Variants in NMUR2 observed in about 807,000 individuals in gnomAD.
NMUR2 encodes the protein neuromedin-U receptor 2.
Under a neutral mutation model 25.1 loss-of-function variants are expected in NMUR2, and 24 were observed. The ratio of observed to expected loss-of-function variants is 0.96; its 90% CI spans 0.69 to 1.34. The LOEUF is 1.34. Ranked by LOEUF, NMUR2 falls within the 40% of genes most tolerant of loss-of-function variation. The pLI, the probability that NMUR2 is intolerant of heterozygous loss-of-function variation, is 0.00. For synonymous variants in NMUR2, 218 were observed against 208.1 expected (o/e 1.05, Z -0.41); for missense variants, 533 against 512.8 (o/e 1.04, Z -0.38).
intron 2 of NMUR2, among the ~76,000 whole-genome samples, chr5:152,396,289 G>T (rs766634474): frequency 1.3e-5 from 2 of 150,818 alleles, no homozygotes; most frequent in African/African-American, 4.9e-5. Flanking sequence ...CTTGGGATTC[G>T]CCTAAAGATA....
At chr5:152,398,328 T>G (rs1753198210) in intron 1 of NMUR2, among the ~76,000 whole-genome samples, 184 bp from the exon 2 acceptor site, 1 of 152,222 alleles carries the variant, frequency 6.6e-6, no homozygotes, top group Non-Finnish European at 1.5e-5. Flanking sequence ...GGTCATCTAC[T>G]CAACTGGATA....
chr5:152,400,145 A>G (rs1753229325), intron 1 of NMUR2, among the ~76,000 whole-genome samples: 1 of 152,176 alleles, frequency 6.6e-6, no homozygotes, highest in South Asian at 2.1e-4. Context: ...ACTCAGGACC[A>G]CATAGGACCT....
chr5:152,395,193 A>C (rs1282711990), intron 3 of NMUR2, among the ~76,000 whole-genome samples: 1 of 152,042 alleles, frequency 6.6e-6, no homozygotes, highest in East Asian at 1.9e-4. Flanking sequence ...CAAAGGAATC[A>C]CTCCTTGACC....
At chr5:152,403,451 A>G (rs1753292472) in intron 1 of NMUR2, among the ~76,000 whole-genome samples, 1 of 152,096 alleles carries the variant, frequency 6.6e-6, no homozygotes, top group East Asian at 1.9e-4. Flanking sequence ...TACCCTTATT[A>G]AAAATAGTTT....
intron 2 of NMUR2, 95 bp from the exon 3 acceptor site, chr5:152,395,679 T>C: frequency 6.9e-7 from 1 of 1,440,840 alleles, no homozygotes; most frequent in Non-Finnish European, 9.4e-7. Context: ...TCTGGCAGTT[T>C]TTCCCTTCAA....
At chr5:152,397,441 T>C (rs1753172717) in intron 2 of NMUR2, among the ~76,000 whole-genome samples, 1 of 152,180 alleles carries the variant, frequency 6.6e-6, no homozygotes, top group African/African-American at 2.4e-5. Context: ...GAAACAAAGT[T>C]ATACAATGTC....
In NMUR2 at chr5:152,391,911, A is replaced by C; in HGVS notation, c.*280T>G. ...TCCATTAATGGAAATTAATCAAGGT[A>C]TAGGTGCCATGCCTTTCCAGTCACG... is the stretch of plus-strand genomic sequence containing the variant. On this transcript the variant is annotated 3_prime_UTR_variant, in exon 4 of 4. Transcript: ENST00000255262. 1 of 320,292 alleles carries C rather than the reference A, an allele frequency of 3.1e-6. No individual in the cohort carries two copies. Among genetic ancestry groups the C allele is most frequent in the Non-Finnish European group, 5.8e-6 (1 of 173,044 alleles). The allele number at this position is 320,292 out of a possible 1,614,324, so 19.8% of individuals were successfully genotyped here.
rs1485993888 is a variant in NMUR2 at position 152,402,248 on chromosome 5, A to AG, written c.726+2139dup. On this transcript the variant is annotated intron_variant, in intron 1 of 3. Coordinates refer to ENST00000255262, the MANE Select transcript of NMUR2 (RefSeq NM_020167.5). ...AATAAATGAGGGTTAGAAAGGCAAA[A>AG]GGGGGAGTGGTGGCAGACAGTAGGA... is the stretch of plus-strand genomic sequence containing the variant. Among the ~76,000 whole-genome samples, 161 of 152,176 alleles carry AG rather than the reference A, an allele frequency of 1.1e-3. 1 individual carries two copies. Among genetic ancestry groups the AG allele is most frequent in the African/African-American group, 3.6e-3 (151 of 41,532 alleles).
At position 152,398,123 on chromosome 5, in the gene NMUR2, C is replaced by A. The variant is rs1223656746; in HGVS notation, c.748G>T (p.Glu250Ter). ...ALRLKKDKSLEADEGNANIQR... is the reference protein window; with the variant it reads ...ALRLKKDKSL ...ATATTTGCATTCCCTTCATCTGCCT[C>A]AAGAGATTTGTCTTTCTTTAGCTGA... The change falls in exon 2 of 4, where the codon GAG becomes TAG. Residue 250 changes from glutamate to a stop codon, truncating the protein, a stop_gained. Coordinates refer to ENST00000255262, the MANE Select transcript of NMUR2 (RefSeq NM_020167.5). LOFTEE classifies it high-confidence loss of function. The A allele has an allele frequency of 1.2e-6, 2 of 1,613,032 alleles. No individual in the cohort carries two copies. The highest frequency in any genetic ancestry group is 1.1e-5 in the South Asian group (1 of 90,940).
At chr5:152,397,470 T>G (rs1006203723) in intron 2 of NMUR2, among the ~76,000 whole-genome samples, 1 of 152,188 alleles carries the variant, frequency 6.6e-6, no homozygotes, top group Admixed American at 6.5e-5. Flanking sequence ...AATGGCTACT[T>G]GGAGATGCTT....
chr5:152,393,688 G>A (rs1486187628), intron 3 of NMUR2, among the ~76,000 whole-genome samples: 1 of 152,066 alleles, frequency 6.6e-6, no homozygotes, highest in Non-Finnish European at 1.5e-5. Context: ...GAACAAATAT[G>A]AGATAACAAA....
chr5:152,395,730 C>G, intron 2 of NMUR2, 146 bp from the exon 3 acceptor site: 1 of 724,404 alleles, frequency 1.4e-6, no homozygotes, highest in Middle Eastern at 3.6e-4. Flanking sequence ...AACTAGATCC[C>G]AAAGAGTCTC....
chr5:152,403,899 A>G (rs1271894300), intron 1 of NMUR2, among the ~76,000 whole-genome samples: 2 of 152,138 alleles, frequency 1.3e-5, no homozygotes, highest in African/African-American at 4.8e-5. Context: ...AGTTTGTGTT[A>G]TACTCAGACC....
At chr5:152,395,436 A>G (rs1330050458) in intron 3 of NMUR2, 23 bp downstream of exon 3, 1 of 1,613,290 alleles carries the variant, frequency 6.2e-7, no homozygotes, top group Non-Finnish European at 8.5e-7. Context: ...CTAGTCATGC[A>G]CCAAATCCAG....
intron 1 of NMUR2, among the ~76,000 whole-genome samples, chr5:152,403,129 G>T (rs866423000): frequency 2.0e-4 from 31 of 152,126 alleles, no homozygotes; most frequent in Middle Eastern, 3.2e-3. Context: ...CATTACTTCA[G>T]CTCACAGGTG....
chr5:152,404,057 C>A (rs1398102829), intron 1 of NMUR2, among the ~76,000 whole-genome samples: 1 of 152,162 alleles, frequency 6.6e-6, no homozygotes, highest in Non-Finnish European at 1.5e-5. Flanking sequence ...CTCAGACCTT[C>A]TGAATCCCAT....
chr5:152,399,530 G>T (rs1580889218), intron 1 of NMUR2, among the ~76,000 whole-genome samples: 3 of 152,026 alleles, frequency 2.0e-5, no homozygotes, highest in African/African-American at 7.2e-5. Flanking sequence ...TGCATATGAG[G>T]TCTGGAATTA....
chr5:152,399,719 C>T (rs1266921449), intron 1 of NMUR2, among the ~76,000 whole-genome samples: 3 of 152,252 alleles, frequency 2.0e-5, no homozygotes, highest in East Asian at 1.9e-4. Context: ...AGAGCTAGCT[C>T]GGCTTCTGAA....
Position 152,404,480 on chromosome 5 carries a change from T to A in NMUR2, c.634A>T (p.Ile212Phe). Reference protein sequence around the residue: ...ATCTVIKPMWIYNFIIQVTSF... With the variant: ...ATCTVIKPMWFYNFIIQVTSF... ...GTGACCTGGATGATGAAATTGTAGA[T>A]CCACATGGGCTTGATGACCGTACAG... Residue 212 changes from isoleucine to phenylalanine, a missense_variant, in exon 1 of 4, where the codon ATC (isoleucine) becomes TTC (phenylalanine). Ile to Phe is a conservative substitution (Grantham distance 21). Transcript: ENST00000255262. The A allele has an allele frequency of 6.2e-7, 1 of 1,614,032 alleles. No homozygotes were observed. Among genetic ancestry groups the A allele is most frequent in the Non-Finnish European group, 8.5e-7 (1 of 1,180,014 alleles).
Sources: allele counts gnomAD v4.1 joint callset (sites outside exome capture counted in the v4.1 genomes callset), GRCh38; gene constraint gnomAD v4.1.1; transcripts MANE v1.5; gene names NCBI Gene and HGNC (gene_info 2026-07-23, HGNC 2026-07-21).